The following AKAP13 variants were observed in gnomAD, a reference collection of about 807,000 sequenced individuals.
AKAP13 encodes A-kinase anchor protein 13.
A neutral mutation model predicts 264.5 loss-of-function variants in AKAP13; 80 were observed. The observed-to-expected ratio is 0.30, with a 90% CI of 0.25 to 0.36. The LOEUF is 0.36. Ranked by LOEUF, AKAP13 falls within the 10% of genes least tolerant of loss-of-function variation. The probability of loss-of-function intolerance (pLI) is 1.00; values close to 1 mark genes in which losing one functional copy is unlikely to be tolerated. For missense variants in AKAP13, 3,712 were observed against 3,435.2 expected (o/e 1.08, Z -2.01); for synonymous variants, 1,380 against 1,250.2 (o/e 1.10, Z -2.19).
intron 30 of AKAP13, among the ~76,000 whole-genome samples, chr15:85,733,255 T>A (rs2088184552): frequency 6.6e-6 from 1 of 152,228 alleles, no homozygotes; most frequent in South Asian, 2.1e-4. Flanking sequence ...TTGTTCATAT[T>A]TTCTTCCCCA....
chr15:85,733,903 G>GTTTT (rs2088240430), intron 30 of AKAP13, among the ~76,000 whole-genome samples: 1 of 111,654 alleles, frequency 9.0e-6, no homozygotes, highest in African/African-American at 3.6e-5. Context: ...TTGAGACAGA[G>GTTTT]TTTTGCTCCT....
At chr15:85,445,710 C>T (rs1451651380) in intron 1 of AKAP13, among the ~76,000 whole-genome samples, 2 of 101,676 alleles carry the variant, frequency 2.0e-5, no homozygotes, top group East Asian at 4.1e-4. Context: ...TTAATTAAGG[C>T]ACAAACAGAG....
At chr15:85,664,815 G>A in intron 13 of AKAP13, 60 bp downstream of exon 13, 1 of 1,509,418 alleles carries the variant, frequency 6.6e-7, no homozygotes, top group Non-Finnish European at 9.0e-7. Flanking sequence ...GAACATAGAA[G>A]GCAAGGCTTC....
intron 1 of AKAP13, among the ~76,000 whole-genome samples, chr15:85,402,778 C>G (rs1403010643): frequency 6.6e-6 from 1 of 152,008 alleles, no homozygotes; most frequent in Non-Finnish European, 1.5e-5. Flanking sequence ...GTAGTTGAGG[C>G]TTACTAAGAT....
chr15:85,528,914 C>T (rs953640701), intron 3 of AKAP13, among the ~76,000 whole-genome samples: 2 of 152,122 alleles, frequency 1.3e-5, no homozygotes, highest in Non-Finnish European at 2.9e-5. Flanking sequence ...TTCAGAACTT[C>T]CCTTTTTAAA....
intron 35 of AKAP13, among the ~76,000 whole-genome samples, chr15:85,742,957 C>T (rs1016580094): frequency 3.3e-5 from 5 of 152,138 alleles, no homozygotes; most frequent in African/African-American, 9.7e-5. Context: ...CCAATAAAAT[C>T]GGTGCTTTGA....
chr15:85,477,586 T>A (rs2075210341), intron 1 of AKAP13, among the ~76,000 whole-genome samples: 1 of 150,844 alleles, frequency 6.6e-6, no homozygotes, highest in Non-Finnish European at 1.5e-5. Context: ...TTGTGAATCT[T>A]TGAACCTGCA....
chr15:85,446,251 G>A (rs1336519545), intron 1 of AKAP13, among the ~76,000 whole-genome samples: 1 of 152,210 alleles, frequency 6.6e-6, no homozygotes, highest in African/African-American at 2.4e-5. Context: ...ATGCTTAGAG[G>A]CAAAGACAAC....
intron 8 of AKAP13, among the ~76,000 whole-genome samples, chr15:85,614,335 G>T (rs970374459): frequency 1.3e-5 from 2 of 152,208 alleles, no homozygotes; most frequent in Admixed American, 6.5e-5. Flanking sequence ...AGCCAGATCA[G>T]TGTATCTGTT....
intron 14 of AKAP13, chr15:85,676,875 G>T: frequency 1.1e-6 from 1 of 924,420 alleles, no homozygotes; most frequent in Non-Finnish European, 1.3e-6. Context: ...AGCATTTCCC[G>T]GAACCGCATA....
At chr15:85,632,890 G>A (rs548965940) in intron 8 of AKAP13, among the ~76,000 whole-genome samples, 3 of 151,472 alleles carry the variant, frequency 2.0e-5, no homozygotes, top group South Asian at 2.1e-4. Context: ...TTTTTGAGGC[G>A]GAATCTTGCT....
At chr15:85,712,270 A>G (rs1244148800) in intron 19 of AKAP13, among the ~76,000 whole-genome samples, 1 of 152,160 alleles carries the variant, frequency 6.6e-6, no homozygotes, top group Non-Finnish European at 1.5e-5. Flanking sequence ...CCCAGAAGAG[A>G]GTGATTCCCT....
At chr15:85,507,725 G>A (rs2076280100) in intron 2 of AKAP13, among the ~76,000 whole-genome samples, 1 of 152,208 alleles carries the variant, frequency 6.6e-6, no homozygotes, top group Non-Finnish European at 1.5e-5. Flanking sequence ...AGCTTCTGGG[G>A]ACTGGTGTAA....
At chr15:85,384,014 G>C (rs1457857001) in intron 1 of AKAP13, among the ~76,000 whole-genome samples, 1 of 152,192 alleles carries the variant, frequency 6.6e-6, no homozygotes, top group East Asian at 1.9e-4. Context: ...GCATAGTTTA[G>C]AATACTTACA....
At position 85,563,224 on chromosome 15, in the gene AKAP13, G is replaced by T. The variant is rs138036738; in HGVS notation, c.663-11907G>T. 4.3e-4 allele frequency among the ~76,000 whole-genome samples: 65 copies of T among 151,888 alleles called. No individual in the cohort carries two copies. In the East Asian group the frequency reaches 0.012, roughly 29 times the overall value. On this transcript the variant is annotated intron_variant, in intron 5 of 36. Coordinates refer to ENST00000394518, the MANE Select transcript of AKAP13 (RefSeq NM_007200.5). The stretch of plus-strand genomic sequence containing the variant: ...TGGTATTTTTTTCCTCGTAGGAAAA[G>T]GTAGGTTGGTGTCAATTTTGTGAAC...
At chr15:85,611,230 A>G (rs2080606050) in intron 8 of AKAP13, among the ~76,000 whole-genome samples, 1 of 152,116 alleles carries the variant, frequency 6.6e-6, no homozygotes. Flanking sequence ...TAATTCCCAA[A>G]TCTGAATGCC....
At chr15:85,548,520 C>G (rs1172411583) in intron 5 of AKAP13, among the ~76,000 whole-genome samples, 1 of 152,092 alleles carries the variant, frequency 6.6e-6, no homozygotes, top group Non-Finnish European at 1.5e-5. Flanking sequence ...AAAATGTCAC[C>G]TATCCACTGA....
At chr15:85,479,706 C>T (rs1567078754) in intron 1 of AKAP13, among the ~76,000 whole-genome samples, 1 of 152,122 alleles carries the variant, frequency 6.6e-6, no homozygotes, top group Non-Finnish European at 1.5e-5. Flanking sequence ...ACCAAGTTAA[C>T]AGGTACAGAA....
chr15:85,448,944 C>T (rs919455550), intron 1 of AKAP13, among the ~76,000 whole-genome samples: 111 of 145,932 alleles, frequency 7.6e-4, no homozygotes, highest in African/African-American at 2.5e-3. Context: ...TGAAGAATGT[C>T]GTTGGTAGTT....
Sources: allele counts gnomAD v4.1 joint callset (sites outside exome capture counted in the v4.1 genomes callset), GRCh38; gene constraint gnomAD v4.1.1; transcripts MANE v1.5; gene names NCBI Gene and HGNC (gene_info 2026-07-23, HGNC 2026-07-21).